Variants in GRIK5 observed in about 807,000 individuals in gnomAD.
The protein encoded by GRIK5 is glutamate receptor ionotropic, kainate 5.
In GRIK5, 43 loss-of-function variants were observed where a neutral mutation model predicts 97.4. The ratio of observed to expected loss-of-function variants is 0.44; its 90% CI spans 0.35 to 0.57. GRIK5 has a LOEUF of 0.57. Ranked by LOEUF, GRIK5 falls within the 20% of genes least tolerant of loss-of-function variation. The pLI is 0.01. For synonymous variants in GRIK5, 580 were observed against 583.5 expected (o/e 0.99, Z 0.09); for missense variants, 1,015 against 1,382.0 (o/e 0.73, Z 4.21).
At chr19:42,063,371 G>A in intron 3 of GRIK5, 1 of 456,704 alleles carries the variant, frequency 2.2e-6, no homozygotes, top group Non-Finnish European at 4.4e-6. Context: ...GTGGAAAGCT[G>A]TTGTTTTTGC....
Position 42,042,432 on chromosome 19 carries a change from T to G in GRIK5, c.1473+120A>C. ...GTGAGGTGGTGTCAGGGGCCCTTCA[T>G]GGCTCCTTCCTCTTCTGCCACCAGC... On this transcript the variant is annotated intron_variant, in intron 12 of 19. Transcript: ENST00000593562. The surrounding 1 kb of genome is among the most constrained non-coding windows in gnomAD (Gnocchi z 6.9). The G allele has an allele frequency of 1.2e-6, 1 of 860,330 alleles. No homozygotes were observed. Among genetic ancestry groups the G allele is most frequent in the Non-Finnish European group, 1.8e-6 (1 of 548,536 alleles). 53.3% of individuals were successfully genotyped at this position (860,330 alleles called of 1,614,324 possible).
intron 12 of GRIK5, among the ~76,000 whole-genome samples, chr19:42,039,558 A>T (rs1481621167): frequency 6.6e-6 from 1 of 152,218 alleles, no homozygotes; most frequent in Non-Finnish European, 1.5e-5. Context: ...CCACTCAGTA[A>T]GAGCACATCG....
At chr19:42,018,574 A>C (rs550943188) in intron 15 of GRIK5, among the ~76,000 whole-genome samples, 1 of 144,370 alleles carries the variant, frequency 6.9e-6, no homozygotes, top group African/African-American at 2.6e-5. Context: ...CAGGAGAATC[A>C]CTTGATCCCG....
Position 42,006,401 on chromosome 19 carries a change from C to A in GRIK5, c.2037+244G>T, listed in dbSNP as rs1555872698. Among the ~76,000 whole-genome samples, 1 of 152,212 alleles carries A rather than the reference C, an allele frequency of 6.6e-6. No individual in the cohort carries two copies. Among genetic ancestry groups the A allele is most frequent in the African/African-American group, 2.4e-5 (1 of 41,452 alleles). On this transcript the variant is annotated intron_variant, in intron 16 of 19. Coordinates refer to ENST00000593562, the MANE Select transcript of GRIK5 (RefSeq NM_002088.5). The surrounding 1 kb of genome is among the most constrained non-coding windows in gnomAD (Gnocchi z 5.3). ...CGACCCTTCCAGCAGCCTCCTTGAT[C>A]CCATTTGGCCCATATGACATTGACA...
In GRIK5 at chr19:42,021,740, CAG is replaced by C. The variant is rs2146049813; in HGVS notation, c.1697+205_1697+206del. ...GAGGCGGGAAGGGGAGAGACCTGAA[CAG>C]AGAACCACAGAGCACAGTCAGAGCC... On this transcript the variant is annotated intron_variant, in intron 14 of 19. Transcript: ENST00000593562. The surrounding 1 kb of genome is among the most constrained non-coding windows in gnomAD (Gnocchi z 4.2). Among the ~76,000 whole-genome samples, 1 of 152,066 alleles carries C rather than the reference CAG, an allele frequency of 6.6e-6. No individual in the cohort carries two copies. The highest frequency in any genetic ancestry group is 1.9e-4 in the East Asian group (1 of 5,172).
At chr19:42,031,012 G>A (rs915337279) in intron 12 of GRIK5, among the ~76,000 whole-genome samples, 1 of 152,194 alleles carries the variant, frequency 6.6e-6, no homozygotes, top group Non-Finnish European at 1.5e-5. Context: ...GTGAAGATGT[G>A]AACCTTGCCT....
intron 12 of GRIK5, among the ~76,000 whole-genome samples, chr19:42,038,435 C>T (rs940471007): frequency 1.3e-5 from 2 of 152,256 alleles, no homozygotes; most frequent in African/African-American, 4.8e-5. Context: ...CTCCTGGTCA[C>T]TAGCCATGGG....
In GRIK5 at chr19:42,065,345, C is replaced by T. The variant is rs760262678; in HGVS notation, c.122G>A (p.Arg41His). 2.5e-6 allele frequency: 4 copies of T among 1,607,524 alleles called. No individual in the cohort carries two copies. Among genetic ancestry groups the T allele is most frequent in the African/African-American group, 2.7e-5 (2 of 75,014 alleles). Residue 41 changes from arginine to histidine, a missense_variant, in exon 3 of 20, where the codon CGT becomes CAT. Arg to His is a conservative substitution (Grantham distance 29, BLOSUM62 0). Transcript: ENST00000593562. This position sits in a 1 kb window ranked among gnomAD's most constrained non-coding sequence, Gnocchi z 5.8. ...CTCCCGGGCCAAGGCCAAGGCCAGA[C>T]GCTCACCGCGGCCACACACTGTCTG... ...DDQTVCGRGE[R>H]LALALAREQI...
intron 5 of GRIK5, among the ~76,000 whole-genome samples, chr19:42,060,538 C>G (rs2076245082): frequency 6.6e-6 from 1 of 150,894 alleles, no homozygotes; most frequent in African/African-American, 2.4e-5. Flanking sequence ...AGCCTAATAT[C>G]AAGAGCCAGG....
rs1383008659 is a variant in GRIK5, at chr19:41,999,083, C to G, written c.2731G>C (p.Asp911His). Residue 911 changes from aspartate (D) to histidine (H), a missense_variant, in exon 20 of 20, where the codon GAC becomes CAC. Asp to His is a moderately conservative substitution (Grantham distance 81). This residue lies in a region of GRIK5 where 109 missense variants were observed against 100.4 expected (regional missense o/e 1.09). Coordinates refer to ENST00000593562, the MANE Select transcript of GRIK5 (RefSeq NM_002088.5). The surrounding 1 kb of genome is among the most constrained non-coding windows in gnomAD (Gnocchi z 5.0). ...GCTCCGCTGGGGGGCCCCGGGTCGT[C>G]CAGGAGGCGCTGCGGGCCCCCGTGC... ...SAHGGPQRLL[D>H]DPGPPSGARP... is the part of the protein sequence containing the mutation. 3.8e-6 allele frequency: 5 copies of G among 1,327,478 alleles called. No individual in the cohort carries two copies. Among genetic ancestry groups the G allele is most frequent in the Non-Finnish European group, 3.8e-6 (4 of 1,045,116 alleles). The allele number at this position is 1,327,478 out of a possible 1,614,324, so 82.2% of individuals were successfully genotyped here.
At chr19:42,033,126 T>C (rs962073834) in intron 12 of GRIK5, among the ~76,000 whole-genome samples, 1 of 152,134 alleles carries the variant, frequency 6.6e-6, no homozygotes, top group Non-Finnish European at 1.5e-5. Flanking sequence ...AAGACCATCC[T>C]GGCCAACATG....
At chr19:42,061,474 T>C (rs2076258936) in intron 5 of GRIK5, among the ~76,000 whole-genome samples, 1 of 152,108 alleles carries the variant, frequency 6.6e-6, no homozygotes, top group African/African-American at 2.4e-5. Flanking sequence ...CCACCACACC[T>C]GGCCCAATAA....
At chr19:42,024,208 T>C (rs2075739870) in intron 12 of GRIK5, among the ~76,000 whole-genome samples, 1 of 149,082 alleles carries the variant, frequency 6.7e-6, no homozygotes, top group Non-Finnish European at 1.5e-5. Context: ...ACATTCCCCA[T>C]TGGCCCTTTT....
rs782812667 is a variant in GRIK5, at chr19:42,003,490, G to A, written c.2393-37C>T. The A allele has an allele frequency of 6.2e-7, 1 of 1,611,068 alleles. No individual in the cohort carries two copies. Among genetic ancestry groups the A allele is most frequent in the South Asian group, 1.1e-5 (1 of 90,766 alleles). ...AGGGAGTTGGGGGGCAAAGGGAGTTGGGGCTGTGTGGGAAGGGGGCTGGGA... is the reference window on the plus strand; with the variant it reads ...AGGGAGTTGGGGGGCAAAGGGAGTTAGGGCTGTGTGGGAAGGGGGCTGGGA... On this transcript the variant is annotated intron_variant, in intron 18 of 19. Coordinates refer to ENST00000593562, the MANE Select transcript of GRIK5 (RefSeq NM_002088.5). This position sits in a 1 kb window ranked among gnomAD's most constrained non-coding sequence, Gnocchi z 4.2.
rs2076229790 is a variant in GRIK5, at chr19:42,059,390, T to C, written c.646A>G (p.Ile216Val). Residue 216 changes from isoleucine to valine, a missense_variant, in exon 6 of 20, where the codon ATC becomes GTC. Around this residue, in one of 5 missense-constraint regions of GRIK5, gnomAD observed 477 missense variants for 701.1 expected, o/e 0.68. Coordinates refer to ENST00000593562, the MANE Select transcript of GRIK5 (RefSeq NM_002088.5). The stretch of plus-strand genomic sequence containing the variant: ...TGGGAGATGGAGGCGTTGGCGTCGA[T>C]GATGATGGTGGACACCTTGTCATCA... ...IRDDKVSTII[I>V]DANASISHLI... 6.2e-7 allele frequency: 1 copy of C among 1,613,928 alleles called. No homozygotes were observed. The highest frequency in any genetic ancestry group is 8.5e-7 in the Non-Finnish European group (1 of 1,179,834).
intron 12 of GRIK5, among the ~76,000 whole-genome samples, chr19:42,028,390 G>A (rs987735222): frequency 7.9e-5 from 12 of 151,966 alleles, no homozygotes; most frequent in African/African-American, 2.7e-4. Flanking sequence ...TGCCTGCTGC[G>A]CCCTGCCAGG....
rs755808188 is a variant in GRIK5 at position 42,042,649 on chromosome 19, C to T, written c.1376G>A (p.Arg459His). ...DMLRELAELL[R>H]FRYRLRLVED... ...CACCAACCGCAGGCGGTAGCGGAAGCGCAGCAGCTCGGCCAGCTCCCGCAG... is the reference window on the plus strand; with the variant it reads ...CACCAACCGCAGGCGGTAGCGGAAGTGCAGCAGCTCGGCCAGCTCCCGCAG... The change falls in exon 12 of 20, where the codon CGC becomes CAC. Residue 459 changes from arginine (R) to histidine (H), a missense_variant. Coordinates refer to ENST00000593562, the MANE Select transcript of GRIK5 (RefSeq NM_002088.5). This position sits in a 1 kb window ranked among gnomAD's most constrained non-coding sequence, Gnocchi z 6.9. 8.7e-6 allele frequency: 14 copies of T among 1,613,380 alleles called. No individual in the cohort carries two copies. Among genetic ancestry groups the T allele is most frequent in the Admixed American group, 1.7e-5 (1 of 60,004 alleles).
chr19:42,065,756 C>G lies in GRIK5; in HGVS notation c.15G>C (p.Leu5=). 1 of 1,589,020 alleles carries G rather than the reference C, an allele frequency of 6.3e-7. No homozygotes were observed. Among genetic ancestry groups the G allele is most frequent in the Non-Finnish European group, 8.5e-7 (1 of 1,169,894 alleles). MPAE[L]LLLLIVAFAS... ...CGAAGGCAACAATCAGCAGCAGCAG[C>G]AGCTCAGCCGGCATCTTCCTCCCCT... Residue 5 remains leucine, a synonymous_variant, in exon 2 of 20, where the codon CTG becomes CTC. Transcript: ENST00000593562. The surrounding 1 kb of genome is among the most constrained non-coding windows in gnomAD (Gnocchi z 5.8).
intron 8 of GRIK5, among the ~76,000 whole-genome samples, chr19:42,055,884 T>C (rs1334876029): frequency 3.9e-5 from 6 of 152,180 alleles, no homozygotes; most frequent in Admixed American, 3.9e-4. Flanking sequence ...GATTTTGCCA[T>C]GTTGGCCAGG....
Sources: allele counts gnomAD v4.1 joint callset (sites outside exome capture counted in the v4.1 genomes callset), GRCh38; gene constraint gnomAD v4.1.1; regional missense constraint gnomAD v4.1.1; non-coding constraint Gnocchi (gnomAD v3.1); transcripts MANE v1.5; gene names NCBI Gene and HGNC (gene_info 2026-07-23, HGNC 2026-07-21).